The following CPE variants were observed in gnomAD, a reference collection of about 807,000 sequenced individuals.
CPE encodes carbocypeptidase E.
Under a neutral mutation model 53.5 loss-of-function variants are expected in CPE, and 17 were observed. That is an observed-to-expected ratio of 0.32 (90% CI 0.22 to 0.48). The LOEUF is 0.48. Ranked by LOEUF, CPE falls within the 20% of genes least tolerant of loss-of-function variation. The pLI, the probability that CPE is intolerant of heterozygous loss-of-function variation, is 0.99. For missense variants in CPE, 524 were observed against 614.7 expected, an observed-to-expected ratio of 0.85 and a Z score of 1.56; for synonymous variants, 226 against 228.8, an observed-to-expected ratio of 0.99 and a Z score of 0.11.
chr4:165,435,844 C>CTATA (rs1414853762), intron 1 of CPE, among the ~76,000 whole-genome samples: 2 of 152,150 alleles, frequency 1.3e-5, no homozygotes, highest in Non-Finnish European at 2.9e-5. Context: ...CCATTAAAGA[C>CTATA]TATAATCTTC....
intron 1 of CPE, among the ~76,000 whole-genome samples, chr4:165,396,563 C>A (rs935337748): frequency 1.3e-5 from 2 of 151,552 alleles, no homozygotes; most frequent in African/African-American, 4.9e-5. Context: ...CCCAGCTACT[C>A]TGGAGGCTGA....
At chr4:165,451,315 C>T (rs1358338755) in intron 1 of CPE, among the ~76,000 whole-genome samples, 1 of 152,058 alleles carries the variant, frequency 6.6e-6, no homozygotes, top group Non-Finnish European at 1.5e-5. Context: ...TTCTAAGTCT[C>T]CAACAGGGAA....
intron 1 of CPE, chr4:165,406,378 C>T (rs1028556641): frequency 1.5e-4 from 66 of 430,936 alleles, no homozygotes; most frequent in African/African-American, 5.1e-4. Flanking sequence ...CAGTGGAGAG[C>T]GCTTCTCTTT....
intron 3 of CPE, among the ~76,000 whole-genome samples, chr4:165,472,348 G>T (rs935010027): frequency 5.3e-5 from 8 of 152,192 alleles, no homozygotes; most frequent in Non-Finnish European, 1.2e-4. Flanking sequence ...TTTTAAAGAG[G>T]ATTAAAACAA....
chr4:165,457,798 T>C (rs1338978549), intron 1 of CPE, among the ~76,000 whole-genome samples: 1 of 152,220 alleles, frequency 6.6e-6, no homozygotes, highest in Admixed American at 6.5e-5. Context: ...TTTTTGTTCC[T>C]TTGCCTTTTC....
intron 1 of CPE, among the ~76,000 whole-genome samples, chr4:165,452,634 T>C (rs933188870): frequency 3.3e-5 from 5 of 152,184 alleles, no homozygotes; most frequent in African/African-American, 1.2e-4. Context: ...TTTGTTTAAA[T>C]TGAATTTTCA....
intron 5 of CPE, among the ~76,000 whole-genome samples, chr4:165,485,200 C>T (rs186491243): frequency 6.6e-6 from 1 of 152,168 alleles, no homozygotes; most frequent in Non-Finnish European, 1.5e-5. Flanking sequence ...CAAGGAAGCT[C>T]TCTTGCCTTC....
At chr4:165,392,404 C>T (rs1476580656) in intron 1 of CPE, among the ~76,000 whole-genome samples, 2 of 143,842 alleles carry the variant, frequency 1.4e-5, no homozygotes, top group South Asian at 2.1e-4. Flanking sequence ...CATACATATT[C>T]GGAGCTAATC....
intron 6 of CPE, among the ~76,000 whole-genome samples, chr4:165,490,141 C>T (rs185296162): frequency 5.3e-5 from 8 of 152,276 alleles, no homozygotes; most frequent in Admixed American, 5.2e-4. Context: ...GTTTACAACT[C>T]ATGGAAAATA....
intron 6 of CPE, among the ~76,000 whole-genome samples, chr4:165,488,183 A>G (rs1732541216): frequency 6.6e-6 from 1 of 152,214 alleles, no homozygotes; most frequent in Admixed American, 6.5e-5. Flanking sequence ...GGAAATTATC[A>G]TCATCATCAT....
chr4:165,438,496 T>G (rs1454304519), intron 1 of CPE, among the ~76,000 whole-genome samples: 1 of 152,166 alleles, frequency 6.6e-6, no homozygotes, highest in Non-Finnish European at 1.5e-5. Context: ...TTTATCAACA[T>G]GTATTCATTG....
intron 8 of CPE, among the ~76,000 whole-genome samples, chr4:165,497,142 G>A (rs1007631088): frequency 6.6e-6 from 1 of 152,020 alleles, no homozygotes; most frequent in Non-Finnish European, 1.5e-5. Flanking sequence ...GGCGGGCCTC[G>A]AATTCTTGAC....
chr4:165,478,621 A>G (rs1448550236), intron 3 of CPE, among the ~76,000 whole-genome samples: 1 of 152,234 alleles, frequency 6.6e-6, no homozygotes, highest in Non-Finnish European at 1.5e-5. Context: ...TTACCCTACA[A>G]TCTTCAGTGA....
At chr4:165,394,162 G>A (rs1730728797) in intron 1 of CPE, among the ~76,000 whole-genome samples, 1 of 152,106 alleles carries the variant, frequency 6.6e-6, no homozygotes, top group Non-Finnish European at 1.5e-5. Context: ...CAGATCTACA[G>A]TGCTCCATAA....
intron 1 of CPE, among the ~76,000 whole-genome samples, chr4:165,462,397 G>A (rs1225687491): frequency 2.0e-5 from 3 of 152,118 alleles, no homozygotes; most frequent in African/African-American, 7.2e-5. Flanking sequence ...AGGGGTTGTG[G>A]GCCAAGCTTT....
At chr4:165,399,773 A>G (rs1038213853) in intron 1 of CPE, among the ~76,000 whole-genome samples, 3 of 152,208 alleles carry the variant, frequency 2.0e-5, no homozygotes, top group African/African-American at 7.2e-5. Flanking sequence ...AGAGTAATAC[A>G]AAGCGAAGTT....
At chr4:165,401,052 AT>A (rs59154389) in intron 1 of CPE, among the ~76,000 whole-genome samples, 23 of 149,914 alleles carry the variant, frequency 1.5e-4, no homozygotes, top group African/African-American at 4.4e-4. Context: ...ACCTTATTTG[AT>A]TTTTTTTTTC....
At chr4:165,491,387 ATCTT>A (rs1732601270) in intron 6 of CPE, among the ~76,000 whole-genome samples, 1 of 152,160 alleles carries the variant, frequency 6.6e-6, no homozygotes, top group Non-Finnish European at 1.5e-5. Context: ...ATCAGCTAGC[ATCTT>A]TCTAAGTTTT....
intron 3 of CPE, among the ~76,000 whole-genome samples, chr4:165,481,602 G>A (rs1338073338): frequency 1.3e-5 from 2 of 152,138 alleles, no homozygotes; most frequent in Non-Finnish European, 2.9e-5. Flanking sequence ...TCCAAGATAT[G>A]AGGGGCAGTG....
Sources: gnomAD v4.1 joint callset for allele counts (sites outside exome capture counted in the v4.1 genomes callset) on GRCh38, gnomAD v4.1.1 for gene constraint, MANE v1.5 for transcripts, NCBI Gene and HGNC (gene_info 2026-07-23, HGNC 2026-07-21) for gene names.